The following SPOCK3 variants were observed in gnomAD, a reference collection of about 807,000 sequenced individuals.
SPOCK3 encodes SPARC (osteonectin), cwcv and kazal like domains proteoglycan 3.
SPOCK3 carries 30 observed loss-of-function variants against 56.6 expected under a neutral mutation model. The observed-to-expected ratio is 0.53, with a 90% CI of 0.40 to 0.72. The LOEUF (loss-of-function observed/expected upper bound fraction) is 0.72. Among genes scored for constraint, SPOCK3 ranks in the 30% least tolerant of loss-of-function variants. The pLI is 0.00. For missense variants in SPOCK3, 527 were observed against 530.0 expected (o/e 0.99, Z 0.06); for synonymous variants, 196 against 183.3 (o/e 1.07, Z -0.56).
At chr4:166,947,557 T>A (rs776004177) in intron 4 of SPOCK3, among the ~76,000 whole-genome samples, 2 of 152,158 alleles carry the variant, frequency 1.3e-5, no homozygotes, top group Admixed American at 6.5e-5. Context: ...GAATGTAATA[T>A]GTTGCTATTC....
intron 5 of SPOCK3, among the ~76,000 whole-genome samples, chr4:166,896,575 G>A (rs1012490048): frequency 6.6e-6 from 1 of 152,120 alleles, no homozygotes; most frequent in East Asian, 1.9e-4. Context: ...CCTATCTCTC[G>A]GTAAGGATGT....
chr4:166,950,976 G>C (rs1490327123), intron 4 of SPOCK3, among the ~76,000 whole-genome samples: 1 of 126,294 alleles, frequency 7.9e-6, no homozygotes, highest in Non-Finnish European at 1.6e-5. Flanking sequence ...GCCCACAAGA[G>C]AAAGCAGGAA....
At chr4:166,796,773 C>G (rs1257388164) in intron 6 of SPOCK3, among the ~76,000 whole-genome samples, 1 of 152,170 alleles carries the variant, frequency 6.6e-6, no homozygotes, top group East Asian at 1.9e-4. Context: ...CTACCACCAC[C>G]TTCCAACAAT....
intron 6 of SPOCK3, among the ~76,000 whole-genome samples, chr4:166,849,148 G>GT (rs2126864439): frequency 6.6e-6 from 1 of 152,254 alleles, no homozygotes; most frequent in East Asian, 1.9e-4. Flanking sequence ...AGTCTTTCAA[G>GT]TAGGTTAGAA....
chr4:167,100,419 C>A (rs894454064), intron 2 of SPOCK3, among the ~76,000 whole-genome samples: 3 of 151,544 alleles, frequency 2.0e-5, no homozygotes, highest in African/African-American at 7.3e-5. Context: ...CTCTCTCTCT[C>A]TCTTCTCTCT....
chr4:166,866,909 T>C (rs921798920), intron 6 of SPOCK3, among the ~76,000 whole-genome samples: 3 of 152,070 alleles, frequency 2.0e-5, no homozygotes, highest in African/African-American at 4.8e-5. Context: ...AAGATAAATA[T>C]AGTTAAAAAC....
In SPOCK3 at chr4:167,032,437, A is replaced by G. The variant is rs144593861; in HGVS notation, c.235+30055T>C. 3.0e-4 allele frequency among the ~76,000 whole-genome samples: 46 copies of G among 152,116 alleles called. 1 individual carries two copies. Among genetic ancestry groups the G allele is most frequent in the African/African-American group, 9.1e-4 (38 of 41,556 alleles). On this transcript the variant is annotated intron_variant, in intron 3 of 10. Coordinates refer to ENST00000357545, the MANE Select transcript of SPOCK3 (RefSeq NM_001040159.2). ...GCTCTGCTGTTGAAGAGAATGGCAC[A>G]TAGGGCTAGATGTTGACCAGCTTCA...
intron 2 of SPOCK3, among the ~76,000 whole-genome samples, chr4:167,130,317 T>A (rs1251662117): frequency 1.3e-5 from 2 of 152,124 alleles, no homozygotes; most frequent in Non-Finnish European, 1.5e-5. Context: ...ATTATCAAAG[T>A]TAAATATATT....
At position 166,800,183 on chromosome 4, in the gene SPOCK3, G is replaced by GAAAAA. The variant is rs367811359; in HGVS notation, c.590-7899_590-7895dup. Among the ~76,000 whole-genome samples, 28 of 51,772 alleles carry GAAAAA rather than the reference G, an allele frequency of 5.4e-4. 2 individuals carry two copies. The East Asian group carries it at 9.8e-3, about 18-fold the overall frequency. 34.0% of individuals were successfully genotyped at this position (51,772 alleles called of 152,430 possible). ...GGCGACAGAGAGAGACTCCATCTCA[G>GAAAAA]AAAAAAAAAAAAAAAAAAAAAAATG... On this transcript the variant is annotated intron_variant, in intron 6 of 10. Coordinates refer to ENST00000357545, the MANE Select transcript of SPOCK3 (RefSeq NM_001040159.2).
chr4:166,840,981 T>C (rs958153363), intron 6 of SPOCK3, among the ~76,000 whole-genome samples: 2 of 151,832 alleles, frequency 1.3e-5, no homozygotes, highest in Non-Finnish European at 2.9e-5. Context: ...GGTTTCACCG[T>C]GTTAGCCAGG....
chr4:167,153,382 G>T (rs1385518), intron 2 of SPOCK3, among the ~76,000 whole-genome samples: 2 of 152,162 alleles, frequency 1.3e-5, no homozygotes, highest in Non-Finnish European at 2.9e-5. Context: ...TTCTTTCTTA[G>T]AAAACTGTTA....
At chr4:167,043,909 T>C (rs1182617033) in intron 3 of SPOCK3, among the ~76,000 whole-genome samples, 1 of 151,988 alleles carries the variant, frequency 6.6e-6, no homozygotes, top group African/African-American at 2.4e-5. Flanking sequence ...TTTCTTTTCT[T>C]TGTAATGTGT....
intron 5 of SPOCK3, among the ~76,000 whole-genome samples, chr4:166,890,853 T>C (rs1734698073): frequency 6.6e-6 from 1 of 152,100 alleles, no homozygotes; most frequent in South Asian, 2.1e-4. Flanking sequence ...GACAATGAGG[T>C]GTTAAAGTCT....
chr4:166,982,529 G>A (rs965586347), intron 4 of SPOCK3, among the ~76,000 whole-genome samples: 2 of 152,036 alleles, frequency 1.3e-5, no homozygotes, highest in Non-Finnish European at 2.9e-5. Flanking sequence ...TCCAGCCTGG[G>A]CAACAGAGCG....
At chr4:167,198,241 C>T (rs1198803433) in intron 2 of SPOCK3, among the ~76,000 whole-genome samples, 3 of 151,988 alleles carry the variant, frequency 2.0e-5, no homozygotes, top group Non-Finnish European at 4.4e-5. Flanking sequence ...CTTCTTGTTG[C>T]TTAGTATCAA....
chr4:166,906,463 C>T (rs1437525923), intron 5 of SPOCK3, among the ~76,000 whole-genome samples: 2 of 149,562 alleles, frequency 1.3e-5, no homozygotes, highest in Non-Finnish European at 3.0e-5. Context: ...AGCCACCATG[C>T]CTGGCCTGGT....
chr4:167,023,109 C>T (rs751840524), intron 3 of SPOCK3, among the ~76,000 whole-genome samples: 3 of 151,894 alleles, frequency 2.0e-5, no homozygotes, highest in East Asian at 1.9e-4. Context: ...TTAGTCAATG[C>T]GAGCTAATGG....
intron 6 of SPOCK3, among the ~76,000 whole-genome samples, chr4:166,826,038 TA>T (rs2126777933): frequency 6.6e-6 from 1 of 152,154 alleles, no homozygotes; most frequent in South Asian, 2.1e-4. Flanking sequence ...CAAAAACTAT[TA>T]AATTTTTTAA....
chr4:166,738,224 C>CTG (rs138267654), intron 9 of SPOCK3, among the ~76,000 whole-genome samples: 2 of 151,216 alleles, frequency 1.3e-5, no homozygotes, highest in Non-Finnish European at 2.9e-5. Context: ...CTTCCATTCT[C>CTG]TGTGTGTGTG....
Sources: allele counts gnomAD v4.1 joint callset (sites outside exome capture counted in the v4.1 genomes callset), GRCh38; gene constraint gnomAD v4.1.1; transcripts MANE v1.5; gene names NCBI Gene and HGNC (gene_info 2026-07-23, HGNC 2026-07-21).